The following ANK2 variants were observed in gnomAD, a reference collection of about 807,000 sequenced individuals.
ANK2 encodes ankyrin 2.
In ANK2, 83 loss-of-function variants were observed where a neutral mutation model predicts 360.5. The observed-to-expected ratio is 0.23, with a 90% CI of 0.19 to 0.28. ANK2 has a LOEUF of 0.28. Among genes scored for constraint, ANK2 ranks in the 10% least tolerant of loss-of-function variants. The pLI is 1.00. For missense variants in ANK2, 4,201 were observed against 4,795.7 expected (o/e 0.88, Z 3.66); for synonymous variants, 1,740 against 1,759.5 (o/e 0.99, Z 0.28).
intron 45 of ANK2, chr4:113,378,021 A>C: frequency 1.4e-6 from 1 of 702,514 alleles, no homozygotes; most frequent in Non-Finnish European, 2.1e-6. Flanking sequence ...TGAGTAAAGC[A>C]AAGCAATAGA....
At chr4:112,805,783 T>C in the ANK2 span, among the ~76,000 whole-genome samples, 3 of 152,086 alleles carry the variant, frequency 2.0e-5, no homozygotes, top group Admixed American at 6.6e-5. Context: ...TGTTTCACTA[T>C]GTTGGTCAGG....
intron 42 of ANK2, among the ~76,000 whole-genome samples, chr4:113,369,230 T>C (rs2154064727): frequency 6.6e-6 from 1 of 152,316 alleles, no homozygotes; most frequent in South Asian, 2.1e-4. Flanking sequence ...AAACTATAAC[T>C]TATATACATT....
intron 2 of ANK2, among the ~76,000 whole-genome samples, chr4:112,919,581 CTTT>C (rs958712461): frequency 6.6e-6 from 1 of 152,064 alleles, no homozygotes; most frequent in Non-Finnish European, 1.5e-5. Context: ...TCAATATTCT[CTTT>C]ATTTTTCATA....
chr4:113,137,692 A>AT (rs1295477948), intron 1 of ANK2, among the ~76,000 whole-genome samples: 4 of 151,860 alleles, frequency 2.6e-5, no homozygotes, highest in Admixed American at 6.6e-5. Flanking sequence ...GAGAAGATTA[A>AT]TTTTATGTGG....
At chr4:113,152,615 C>G (rs2097137990) in intron 1 of ANK2, among the ~76,000 whole-genome samples, 1 of 151,938 alleles carries the variant, frequency 6.6e-6, no homozygotes, top group Non-Finnish European at 1.5e-5. Context: ...TTTTTTGTGC[C>G]TTTCTTTAAT....
At chr4:113,004,437 G>A (rs1364906911) in intron 2 of ANK2, among the ~76,000 whole-genome samples, 5 of 150,920 alleles carry the variant, frequency 3.3e-5, no homozygotes, top group Admixed American at 1.3e-4. Flanking sequence ...CAGTAGCCTC[G>A]CCCTACATAA....
At chr4:113,114,611 T>C (rs1260610837) in intron 1 of ANK2, among the ~76,000 whole-genome samples, 1 of 152,186 alleles carries the variant, frequency 6.6e-6, no homozygotes, top group Non-Finnish European at 1.5e-5. Flanking sequence ...TAAAAATGTA[T>C]AATTTTCCTG....
intron 9 of ANK2, among the ~76,000 whole-genome samples, chr4:113,246,981 T>A (rs530540967): frequency 6.6e-6 from 1 of 152,260 alleles, no homozygotes; most frequent in South Asian, 2.1e-4. Flanking sequence ...AGCCTACCCA[T>A]GTATTCACAC....
upstream of ANK2, among the ~76,000 whole-genome samples, chr4:112,815,123 C>T (rs1425688139): frequency 4.0e-5 from 6 of 151,864 alleles, no homozygotes; most frequent in African/African-American, 7.3e-5. Context: ...TCAAATGATC[C>T]GCCCACCTCG....
At chr4:112,918,401 T>TG (rs1433808733) in intron 2 of ANK2, among the ~76,000 whole-genome samples, 1 of 151,854 alleles carries the variant, frequency 6.6e-6, no homozygotes, top group Non-Finnish European at 1.5e-5. Context: ...TTTCATTTAG[T>TG]GAAAAAAAAA....
At chr4:113,311,632 G>A (rs2080001259) in intron 24 of ANK2, among the ~76,000 whole-genome samples, 1 of 151,942 alleles carries the variant, frequency 6.6e-6, no homozygotes, top group African/African-American at 2.4e-5. Context: ...CAAACAACTA[G>A]TAAGAAGCAA....
chr4:113,296,943 G>T (rs1217880976), intron 22 of ANK2, among the ~76,000 whole-genome samples: 1 of 152,102 alleles, frequency 6.6e-6, no homozygotes, highest in Non-Finnish European at 1.5e-5. Context: ...ATAAATTACT[G>T]AATAAATTAG....
chr4:113,067,541 A>G (rs781716838), intron 1 of ANK2, among the ~76,000 whole-genome samples: 22 of 152,302 alleles, frequency 1.4e-4, no homozygotes, highest in Non-Finnish European at 2.4e-4. Flanking sequence ...GTCAGGACAG[A>G]TAGAGTTTTA....
intron 1 of ANK2, among the ~76,000 whole-genome samples, chr4:113,127,608 G>A (rs1306143597): frequency 6.6e-6 from 1 of 152,126 alleles, no homozygotes; most frequent in Admixed American, 6.5e-5. Context: ...GTTGGCTTAG[G>A]TGGAGAGGGT....
In ANK2 at chr4:113,198,955, G is replaced by T; in HGVS notation, c.286-56G>T. The T allele has an allele frequency of 2.1e-6, 3 of 1,462,584 alleles. No individual in the cohort carries two copies. The South Asian group carries it at 3.4e-5, about 17-fold the overall frequency. 90.6% of individuals were successfully genotyped at this position (1,462,584 alleles called of 1,614,324 possible). On this transcript the variant is annotated intron_variant, in intron 3 of 45. Transcript: ENST00000357077. ...AAGTTGAAAAATGCCTGCACATTTT[G>T]ATTTCTGCAAAATTCAGAAACCTTG...
intron 23 of ANK2, among the ~76,000 whole-genome samples, chr4:113,304,278 G>A (rs2076256025): frequency 6.6e-6 from 1 of 152,146 alleles, no homozygotes; most frequent in African/African-American, 2.4e-5. Flanking sequence ...AGTGATTCAG[G>A]TACCCTTAGA....
chr4:113,205,005 A>G (rs1001218124), intron 4 of ANK2, among the ~76,000 whole-genome samples: 5 of 151,936 alleles, frequency 3.3e-5, no homozygotes, highest in Admixed American at 1.3e-4. Flanking sequence ...GGAGGCCGAG[A>G]CGGGCGGATC....
At chr4:113,043,557 C>T (rs1561663992) in intron 2 of ANK2, among the ~76,000 whole-genome samples, 1 of 152,100 alleles carries the variant, frequency 6.6e-6, no homozygotes, top group South Asian at 2.1e-4. Context: ...CAGGCATGAG[C>T]CACTGTGCCT....
chr4:113,089,414 G>T (rs1327957852), intron 1 of ANK2, among the ~76,000 whole-genome samples: 1 of 152,210 alleles, frequency 6.6e-6, no homozygotes, highest in Admixed American at 6.5e-5. Flanking sequence ...TTGAAAGGAG[G>T]TAATGAGCAT....
Sources: gnomAD v4.1 joint callset for allele counts (sites outside exome capture counted in the v4.1 genomes callset) on GRCh38, gnomAD v4.1.1 for gene constraint, MANE v1.5 for transcripts, NCBI Gene and HGNC (gene_info 2026-07-23, HGNC 2026-07-21) for gene names.